The following RAB12 variants were observed in gnomAD, a reference collection of about 807,000 sequenced individuals.
RAB12 encodes RAB12, member RAS oncogene family, also known as ras-related protein Rab-12.
In RAB12, 11 loss-of-function variants were observed where a neutral mutation model predicts 28.4. The observed-to-expected ratio is 0.39, with a 90% CI of 0.24 to 0.64. The LOEUF (loss-of-function observed/expected upper bound fraction) is 0.64, where lower values mean the gene tolerates loss of function less well. Ranked by LOEUF, RAB12 falls within the 30% of genes least tolerant of loss-of-function variation. The pLI, the probability that RAB12 is intolerant of heterozygous loss-of-function variation, is 0.50. For missense variants in RAB12, 276 were observed against 351.1 expected, an observed-to-expected ratio of 0.79 and a Z score of 1.71; for synonymous variants, 138 against 145.3, an observed-to-expected ratio of 0.95 and a Z score of 0.36.
At position 8,629,681 on chromosome 18, in the gene RAB12, T is replaced by C. The variant is rs547389262; in HGVS notation, c.576-3508T>C. Among the ~76,000 whole-genome samples the C allele has an allele frequency of 3.9e-5, 6 of 152,326 alleles. No homozygotes were observed. In the South Asian group the frequency reaches 1.0e-3, roughly 26 times the overall value. On this transcript the variant is annotated intron_variant, in intron 2 of 5. Transcript: ENST00000649141. ...GTGAGCTTTCGTGCTTGTTTGACAA[T>C]AAGGCATCACTGATGTGAACTAATT...
At chr18:8,617,323 A>G (rs1163082765) in intron 1 of RAB12, among the ~76,000 whole-genome samples, 3 of 152,220 alleles carry the variant, frequency 2.0e-5, no homozygotes, top group African/African-American at 7.2e-5. Flanking sequence ...TCAAAATGTA[A>G]TCACATGTCC....
chr18:8,617,709 C>CT lies in RAB12; in HGVS notation c.515-7225dup, dbSNP rs568365476. Among the ~76,000 whole-genome samples the CT allele has an allele frequency of 2.0e-3, 305 of 152,226 alleles. 6 individuals are homozygous for CT. The highest frequency in any genetic ancestry group is 6.8e-3 in the Middle Eastern group (2 of 294). ...TTCTTAGCTCCCTTCCAGCCTCTGC[C>CT]TTTTGTTCATCAGGTGGGGCTGCAC... On this transcript the variant is annotated intron_variant, in intron 1 of 5. Coordinates refer to ENST00000649141, the MANE Select transcript of RAB12 (RefSeq NM_001025300.3).
intron 1 of RAB12, among the ~76,000 whole-genome samples, chr18:8,614,257 T>C (rs1366705011): frequency 1.3e-5 from 2 of 150,182 alleles, no homozygotes; most frequent in Admixed American, 1.3e-4. Flanking sequence ...GCCCCTGTCA[T>C]TACTTGTCAC....
At chr18:8,636,398 A>G (rs201440742) in intron 5 of RAB12, 41 bp downstream of exon 5, 7 of 1,216,038 alleles carry the variant, frequency 5.8e-6, no homozygotes, top group African/African-American at 1.5e-5. Flanking sequence ...TATCATCTGA[A>G]ACCTGTTGTT....
intron 1 of RAB12, among the ~76,000 whole-genome samples, chr18:8,615,028 ACTCCC>A (rs1167483451): frequency 1.3e-5 from 2 of 151,612 alleles, no homozygotes; most frequent in Admixed American, 1.3e-4. Context: ...TCTCTGCCTG[ACTCCC>A]CTCTAGCCTG....
At chr18:8,612,787 C>T (rs1275488070) in intron 1 of RAB12, among the ~76,000 whole-genome samples, 1 of 152,248 alleles carries the variant, frequency 6.6e-6, no homozygotes, top group East Asian at 1.9e-4. Context: ...CTTCCTGCCG[C>T]AGCCTCCTGA....
At chr18:8,621,473 T>C (rs1281835743) in intron 1 of RAB12, among the ~76,000 whole-genome samples, 1 of 152,188 alleles carries the variant, frequency 6.6e-6, no homozygotes, top group East Asian at 1.9e-4. Flanking sequence ...GCGAGGACTG[T>C]TTTAAGGAAC....
At chr18:8,637,278 TAAA>T (rs11375791) in intron 5 of RAB12, among the ~76,000 whole-genome samples, 1 of 144,080 alleles carries the variant, frequency 6.9e-6, no homozygotes, top group Non-Finnish European at 1.5e-5. Flanking sequence ...TGTCTCTATT[TAAA>T]AAAAAAAAAA....
intron 1 of RAB12, among the ~76,000 whole-genome samples, chr18:8,611,939 C>A (rs2148705341): frequency 6.6e-6 from 1 of 152,286 alleles, no homozygotes; most frequent in Admixed American, 6.5e-5. Context: ...GTGGGATGTT[C>A]AGAGAATGAT....
At chr18:8,617,917 G>A (rs2096007579) in intron 1 of RAB12, among the ~76,000 whole-genome samples, 1 of 152,174 alleles carries the variant, frequency 6.6e-6, no homozygotes, top group Admixed American at 6.5e-5. Flanking sequence ...ACTGCAATAA[G>A]TTAATGTAGA....
chr18:8,619,266 C>T (rs550008513), intron 1 of RAB12, among the ~76,000 whole-genome samples: 96 of 152,188 alleles, frequency 6.3e-4, no homozygotes, highest in African/African-American at 2.2e-3. Context: ...TCCGCTTGGC[C>T]GTAGTCCTAG....
chr18:8,634,773 C>T (rs895528773), intron 3 of RAB12, among the ~76,000 whole-genome samples: 6 of 152,364 alleles, frequency 3.9e-5, no homozygotes, highest in African/African-American at 1.2e-4. Flanking sequence ...CACCTGGCTG[C>T]GTAACTGGCC....
intron 2 of RAB12, among the ~76,000 whole-genome samples, chr18:8,625,380 C>T (rs1045816497): frequency 2.0e-5 from 3 of 152,184 alleles, no homozygotes; most frequent in African/African-American, 7.2e-5. Flanking sequence ...ATGTTCATAA[C>T]CAGATTTGCA....
intron 1 of RAB12, among the ~76,000 whole-genome samples, chr18:8,618,892 G>A (rs1473957880): frequency 1.3e-5 from 2 of 152,134 alleles, no homozygotes; most frequent in African/African-American, 2.4e-5. Context: ...CAGAAGACTG[G>A]CCTTATGCCC....
intron 1 of RAB12, among the ~76,000 whole-genome samples, chr18:8,612,755 C>T (rs191176300): frequency 5.9e-5 from 9 of 152,334 alleles, no homozygotes; most frequent in Non-Finnish European, 1.2e-4. Flanking sequence ...ACTGCAGCCT[C>T]GACCTGCCAG....
At chr18:8,611,578 G>GC (rs2096003835) in intron 1 of RAB12, among the ~76,000 whole-genome samples, 1 of 152,146 alleles carries the variant, frequency 6.6e-6, no homozygotes, top group Non-Finnish European at 1.5e-5. Flanking sequence ...AATGGATGCT[G>GC]CGAGACCTTG....
Position 8,633,294 on chromosome 18 carries a change from T to A in RAB12, c.681T>A (p.Asp227Glu). The A allele has an allele frequency of 6.2e-7, 1 of 1,614,132 alleles. No individual in the cohort carries two copies. The highest frequency in any genetic ancestry group is 2.2e-5 in the East Asian group (1 of 44,874). ...ATATCACTAAGAAGGAGACATTTGA[T>A]GATTTGCCGAAATGGATGAAGATGA... ...VYDITKKETF[D>E]DLPKWMKMID... is the part of the protein sequence containing the mutation. The change falls in exon 3 of 6, where the codon GAT (aspartate) becomes GAA (glutamate). Residue 227 changes from aspartate (D) to glutamate (E), a missense_variant. Asp to Glu is a conservative substitution (Grantham distance 45). Around this residue, in one of 4 missense-constraint regions of RAB12, gnomAD observed 127 missense variants for 161.4 expected, o/e 0.79. Transcript: ENST00000649141.
intron 3 of RAB12, 80 bp downstream of exon 3, chr18:8,633,407 C>A (rs2096017060): frequency 6.7e-7 from 1 of 1,500,454 alleles, no homozygotes; most frequent in Admixed American, 1.8e-5. Context: ...AGGGGAAACA[C>A]ATGTATTGAG....
intron 2 of RAB12, among the ~76,000 whole-genome samples, chr18:8,629,687 A>G (rs2096014793): frequency 6.6e-6 from 1 of 152,228 alleles, no homozygotes; most frequent in African/African-American, 2.4e-5. Context: ...ACAATAAGGC[A>G]TCACTGATGT....
Sources: gnomAD v4.1 joint callset for allele counts (sites outside exome capture counted in the v4.1 genomes callset) on GRCh38, gnomAD v4.1.1 for gene constraint, gnomAD v4.1.1 regional missense constraint, MANE v1.5 for transcripts, NCBI Gene and HGNC (gene_info 2026-07-23, HGNC 2026-07-21) for gene names.